PI4K2A: variants seen among roughly 807,000 people sequenced by gnomAD.
PI4K2A encodes the protein phosphatidylinositol 4-kinase type 2-alpha.
A neutral mutation model predicts 55.0 loss-of-function variants in PI4K2A; 20 were observed. That is an observed-to-expected ratio of 0.36 (90% CI 0.26 to 0.53). PI4K2A has a LOEUF of 0.53. PI4K2A is among the 20% of genes least tolerant of loss of function. The pLI is 0.91. For missense variants in PI4K2A, 463 were observed against 637.1 expected, an observed-to-expected ratio of 0.73 and a Z score of 2.94; for synonymous variants, 235 against 258.5, an observed-to-expected ratio of 0.91 and a Z score of 0.87.
intron 1 of PI4K2A, among the ~76,000 whole-genome samples, chr10:97,649,919 C>T (rs534083678): frequency 4.0e-3 from 610 of 152,140 alleles, no homozygotes; most frequent in Non-Finnish European, 6.8e-3. Context: ...CCACCATGCC[C>T]GGCCCATAAT....
chr10:97,647,644 T>C (rs7898771), intron 1 of PI4K2A, among the ~76,000 whole-genome samples: 48,845 of 152,010 alleles, frequency 0.32, 9,637 homozygotes, highest in African/African-American at 0.56. Flanking sequence ...GAACTGAGGC[T>C]TACACTTAGT....
At chr10:97,657,031 G>C (rs1056903941) in intron 4 of PI4K2A, 57 bp downstream of exon 4, 1 of 1,573,906 alleles carries the variant, frequency 6.4e-7, no homozygotes, top group African/African-American at 1.3e-5. Context: ...GGCATGGGGA[G>C]GCCTGGAGGC....
intron 4 of PI4K2A, 129 bp downstream of exon 4, chr10:97,657,103 G>A (rs1297770382): frequency 1.2e-6 from 1 of 827,108 alleles, no homozygotes; most frequent in African/African-American, 1.7e-5. Context: ...TTCAGAAGTG[G>A]TGAGGCCTGG....
intron 8 of PI4K2A, among the ~76,000 whole-genome samples, chr10:97,670,390 C>G (rs1321468271): frequency 2.0e-5 from 3 of 152,128 alleles, no homozygotes; most frequent in African/African-American, 4.8e-5. Context: ...ATGGGATCTT[C>G]TAGATTCTTC....
chr10:97,670,738 A>G (rs1259344233), intron 8 of PI4K2A, among the ~76,000 whole-genome samples: 1 of 152,100 alleles, frequency 6.6e-6, no homozygotes, highest in Non-Finnish European at 1.5e-5. Flanking sequence ...GTGTAAGAGG[A>G]TATTTGTGGC....
At position 97,656,915 on chromosome 10, in the gene PI4K2A, G is replaced by T; in HGVS notation, c.863G>T (p.Arg288Leu). The change falls in exon 4 of 9, where the codon CGG (arginine) becomes CTG (leucine). Residue 288 changes from arginine to leucine, a missense_variant. Transcript: ENST00000370631. The surrounding 1 kb of genome is among the most constrained non-coding windows in gnomAD (Gnocchi z 4.5). ...GAACCTCTTCCTGAGAACACTAACC[G>T]GCAACTACTGCTCCAGTTTGAGCGG... is the stretch of plus-strand genomic sequence containing the variant. 1 of 1,614,084 alleles carries T rather than the reference G, an allele frequency of 6.2e-7. No homozygotes were observed. Among genetic ancestry groups the T allele is most frequent in the Non-Finnish European group, 8.5e-7 (1 of 1,179,996 alleles).
intron 5 of PI4K2A, among the ~76,000 whole-genome samples, chr10:97,664,373 T>C (rs550773861): frequency 2.0e-5 from 3 of 152,330 alleles, no homozygotes; most frequent in East Asian, 3.9e-4. Context: ...TTCCTTTTCA[T>C]GCACCACTGA....
At chr10:97,663,131 G>T (rs1231134578) in intron 5 of PI4K2A, among the ~76,000 whole-genome samples, 163 bp downstream of exon 5, 7 of 152,170 alleles carry the variant, frequency 4.6e-5, no homozygotes, top group Non-Finnish European at 8.8e-5. Context: ...CTCAATATGT[G>T]TTTCAAGGAC....
chr10:97,646,564 A>G (rs763360370), intron 1 of PI4K2A, among the ~76,000 whole-genome samples: 2 of 152,220 alleles, frequency 1.3e-5, no homozygotes, highest in African/African-American at 2.4e-5. Context: ...TTTGAGAACT[A>G]TCCACTTAAT....
intron 2 of PI4K2A, among the ~76,000 whole-genome samples, chr10:97,652,343 TG>T (rs2041533237): frequency 1.3e-5 from 2 of 152,176 alleles, no homozygotes; most frequent in Non-Finnish European, 2.9e-5. Context: ...TTGCCCAGGC[TG>T]GGGTGCAGTG....
intron 1 of PI4K2A, among the ~76,000 whole-genome samples, chr10:97,649,510 CT>C (rs1435461415): frequency 6.7e-6 from 1 of 148,782 alleles, no homozygotes; most frequent in Non-Finnish European, 1.5e-5. Flanking sequence ...GTAGCAGAGT[CT>C]TTTTCCTGCT....
rs2041556870 is a variant in PI4K2A, at chr10:97,656,775, A to T, written c.769-46A>T. ...TGGCATATACTCCAAAGGTCTTTGG[A>T]TTTGGGCAGTAGGGAAAAACCTTTG... On this transcript the variant is annotated intron_variant, in intron 3 of 8. Coordinates refer to ENST00000370631, the Ensembl canonical transcript of PI4K2A. This position sits in a 1 kb window ranked among gnomAD's most constrained non-coding sequence, Gnocchi z 4.5. 6.3e-7 allele frequency: 1 copy of T among 1,596,074 alleles called. No individual in the cohort carries two copies. The highest frequency in any genetic ancestry group is 8.6e-7 in the Non-Finnish European group (1 of 1,164,880).
chr10:97,660,002 CTTTTT>C (rs1206693622), intron 4 of PI4K2A, among the ~76,000 whole-genome samples: 1 of 137,850 alleles, frequency 7.3e-6, no homozygotes, highest in Non-Finnish European at 1.6e-5. Context: ...TCTTTCTTTT[CTTTTT>C]TTTTTTTTTT....
At chr10:97,642,246 T>C (rs1400413220) in intron 1 of PI4K2A, among the ~76,000 whole-genome samples, 1 of 152,166 alleles carries the variant, frequency 6.6e-6, no homozygotes, top group East Asian at 1.9e-4. Context: ...GTTCGGCTCA[T>C]TGAATGATCT....
intron 4 of PI4K2A, among the ~76,000 whole-genome samples, chr10:97,661,056 A>G (rs1322919122): frequency 1.3e-5 from 2 of 151,638 alleles, no homozygotes; most frequent in East Asian, 1.9e-4. Context: ...CAGTGGCCCA[A>G]TCTCGGTTCA....
chr10:97,668,897 A>G (rs11189316), intron 8 of PI4K2A, among the ~76,000 whole-genome samples: 71,785 of 150,818 alleles, frequency 0.48, 18,130 homozygotes, highest in African/African-American at 0.66. Flanking sequence ...ACAGAGTCTC[A>G]CTCTGTCACC....
intron 1 of PI4K2A, among the ~76,000 whole-genome samples, chr10:97,650,026 T>C (rs2041523182): frequency 6.6e-6 from 1 of 152,140 alleles, no homozygotes; most frequent in Non-Finnish European, 1.5e-5. Flanking sequence ...AATTAGAGTT[T>C]ATGATGTTAA....
rs2041612587 is a variant in PI4K2A at position 97,666,972 on chromosome 10, CCTT to C, written c.1219-85_1219-83del. ...GCTGCAGAAGCCTTATGCAGGTTTT[CCTT>C]CTTAGAAAGTTTCTAACTGGGGGAG... On this transcript the variant is annotated intron_variant, in intron 7 of 8. Transcript: ENST00000370631. 3 of 986,182 alleles carry C rather than the reference CCTT, an allele frequency of 3.0e-6. No homozygotes were observed. The Admixed American group carries it at 6.0e-5, about 20-fold the overall frequency. 61.1% of individuals were successfully genotyped at this position (986,182 alleles called of 1,614,324 possible). A position where few individuals can be genotyped will look rare whatever the true frequency, so the allele number is the denominator to read the frequency against.
Position 97,642,863 on chromosome 10 carries a change from CTTTTT to C in PI4K2A, c.435+1687_435+1691del, listed in dbSNP as rs1564772322. On this transcript the variant is annotated intron_variant, in intron 1 of 8. Transcript: ENST00000370631. ...CCTTCCTTCCTTCCTTTCTTTCTTT[CTTTTT>C]CTTTCTTTCTTTCTTTCTTCCTTCC... 1.3e-3 allele frequency among the ~76,000 whole-genome samples: 97 copies of C among 76,964 alleles called. 6 individuals carry two copies. Among genetic ancestry groups the C allele is most frequent in the Middle Eastern group, 5.4e-3 (1 of 186 alleles). The allele number at this position is 76,964 out of a possible 152,430, so 50.5% of individuals were successfully genotyped here.
Sources: gnomAD v4.1 joint callset for allele counts (sites outside exome capture counted in the v4.1 genomes callset) on GRCh38, gnomAD v4.1.1 for gene constraint, Gnocchi (gnomAD v3.1) non-coding constraint, MANE v1.5 for transcripts, NCBI Gene and HGNC (gene_info 2026-07-23, HGNC 2026-07-21) for gene names.